DMAC2L: variants seen among roughly 807,000 people sequenced by gnomAD.
The protein encoded by DMAC2L is distal membrane arm assembly component 2 like, also known as ATP synthase subunit s, mitochondrial.
In DMAC2L, 21 loss-of-function variants were observed where a neutral mutation model predicts 22.5. That is an observed-to-expected ratio of 0.93 (90% CI 0.66 to 1.34). DMAC2L has a LOEUF of 1.34. DMAC2L is among the 40% of genes most tolerant of loss of function. The pLI, the probability that DMAC2L is intolerant of heterozygous loss-of-function variation, is 0.00. For synonymous variants in DMAC2L, 86 were observed against 89.5 expected, an observed-to-expected ratio of 0.96 and a Z score of 0.22; for missense variants, 239 against 246.5, an observed-to-expected ratio of 0.97 and a Z score of 0.20.
At chr14:50,312,045 G>T (rs2031253004), upstream of DMAC2L, 3 of 1,586,642 alleles carry the variant, frequency 1.9e-6, no homozygotes, top group African/African-American at 2.7e-5. Context: ...CCACACAGCG[G>T]TCTTGGCCTC....
rs148236783 is a variant in DMAC2L, at chr14:50,321,511, C to T, written c.24C>T (p.Ser8=). The change falls in exon 3 of 6, where the codon TCC becomes TCT. Residue 8 remains serine (S), a synonymous_variant. Transcript: ENST00000557421. The part of the protein sequence containing the change: MMPFGKI[S]QQLCGVKKLP... ...AAATGATGCCGTTTGGAAAAATTTC[C>T]CAGCAGTTGTGTGGCGTAAAGAAAC... The T allele has an allele frequency of 6.8e-4, 1,090 of 1,613,988 alleles. 6 individuals carry two copies. The highest frequency in any genetic ancestry group is 1.7e-3 in the Middle Eastern group (10 of 6,058).
Position 50,321,550 on chromosome 14 carries a change from T to C in DMAC2L, c.63T>C (p.Cys21=), listed in dbSNP as rs2032275668. Reference sequence around the variant, plus strand: ...GCGTAAAGAAACTCCCATGGTCATGTGACTCCAGATACTTCTGGGGCTGGT... The same window carrying C: ...GCGTAAAGAAACTCCCATGGTCATGCGACTCCAGATACTTCTGGGGCTGGT... The part of the protein sequence containing the change: ...LCGVKKLPWS[C]DSRYFWGWLN... Residue 21 remains cysteine (C), a synonymous_variant, in exon 3 of 6, where the codon TGT becomes TGC. Coordinates refer to ENST00000557421, the MANE Select transcript of DMAC2L (RefSeq NM_001382507.1). 1 of 1,614,148 alleles carries C rather than the reference T, an allele frequency of 6.2e-7. No individual in the cohort carries two copies. Among genetic ancestry groups the C allele is most frequent in the Non-Finnish European group, 8.5e-7 (1 of 1,179,980 alleles).
chr14:50,314,851 G>A (rs565053496), intron 2 of DMAC2L, among the ~76,000 whole-genome samples: 12 of 151,822 alleles, frequency 7.9e-5, no homozygotes, highest in East Asian at 1.9e-4. Context: ...CATGTTGACC[G>A]GGCTGGTCTT....
At chr14:50,322,307 A>T (rs1240754710) in intron 3 of DMAC2L, among the ~76,000 whole-genome samples, 1 of 152,228 alleles carries the variant, frequency 6.6e-6, no homozygotes, top group Admixed American at 6.5e-5. Context: ...GGAAACAAAA[A>T]CAAAACTAAA....
At chr14:50,315,662 C>CAAAAAAA (rs142527130) in intron 2 of DMAC2L, among the ~76,000 whole-genome samples, 16 of 81,558 alleles carry the variant, frequency 2.0e-4, no homozygotes, top group African/African-American at 7.1e-4. Flanking sequence ...TTCTGTTTCA[C>CAAAAAAA]AAAAAAAAAA....
chr14:50,325,553 G>T (rs2032657382), intron 5 of DMAC2L, 56 bp from the exon 6 acceptor site: 5 of 1,516,152 alleles, frequency 3.3e-6, no homozygotes, highest in South Asian at 1.2e-5. Context: ...TCAGTAAATT[G>T]AATTTATTTT....
Position 50,326,384 on chromosome 14 carries a change from T to C in DMAC2L, c.*661T>C, listed in dbSNP as rs1805371894. ...TTTTTATTATAACAGTAATTTACAT[T>C]TAACTTTAAAGTTAGTGAAGCATAC... On this transcript the variant is annotated 3_prime_UTR_variant, in exon 6 of 6. Coordinates refer to ENST00000557421, the MANE Select transcript of DMAC2L (RefSeq NM_001382507.1). 1.1e-6 allele frequency: 1 copy of C among 924,132 alleles called. No homozygotes were observed. The highest frequency in any genetic ancestry group is 5.0e-5 in the South Asian group (1 of 19,984). 57.2% of individuals were successfully genotyped at this position (924,132 alleles called of 1,614,324 possible).
intron 2 of DMAC2L, 34 bp from the exon 3 acceptor site, chr14:50,321,449 A>G (rs747093211): frequency 7.4e-6 from 12 of 1,611,874 alleles, no homozygotes; most frequent in South Asian, 6.6e-5. Flanking sequence ...GACTCGGATG[A>G]TGATCTAATG....
chr14:50,312,411 C>A, intron 1 of DMAC2L, 22 bp downstream of exon 1: 2 of 561,700 alleles, frequency 3.6e-6, no homozygotes, highest in South Asian at 4.0e-5. Flanking sequence ...AGCTAGGCCC[C>A]GAGCCGGGCG....
intron 2 of DMAC2L, among the ~76,000 whole-genome samples, chr14:50,317,450 C>A (rs1335690665): frequency 1.3e-5 from 2 of 152,148 alleles, no homozygotes; most frequent in African/African-American, 2.4e-5. Flanking sequence ...CTAGCTAGAA[C>A]TTCCAGTACT....
At chr14:50,314,217 C>G (rs548778589) in intron 1 of DMAC2L, among the ~76,000 whole-genome samples, 38 of 152,280 alleles carry the variant, frequency 2.5e-4, no homozygotes, top group African/African-American at 8.9e-4. Context: ...GGAGGCAGGT[C>G]CTTCCTGTGC....
chr14:50,318,002 A>G (rs886281914), intron 2 of DMAC2L, among the ~76,000 whole-genome samples: 4 of 152,130 alleles, frequency 2.6e-5, no homozygotes, highest in African/African-American at 9.7e-5. Flanking sequence ...TATTGAGATG[A>G]TCATGTGATT....
intron 2 of DMAC2L, among the ~76,000 whole-genome samples, chr14:50,318,312 A>C (rs1251889329): frequency 6.6e-6 from 1 of 152,248 alleles, no homozygotes; most frequent in Non-Finnish European, 1.5e-5. Context: ...GAAATGTAAA[A>C]ACCTACCAAT....
chr14:50,324,540 T>C (rs2032554711), intron 5 of DMAC2L: 1 of 153,822 alleles, frequency 6.5e-6, no homozygotes, highest in African/African-American at 2.4e-5. Context: ...CACCTTTCTG[T>C]CTCTAGAGCC....
chr14:50,314,520 G>A (rs947449859), intron 1 of DMAC2L, 71 bp from the exon 2 acceptor site: 1 of 455,728 alleles, frequency 2.2e-6, no homozygotes, highest in South Asian at 1.5e-5. Flanking sequence ...CTAGTTTTTA[G>A]CTATTGTGAA....
At chr14:50,324,163 G>T (rs2032515878) in intron 5 of DMAC2L, 47 bp downstream of exon 5, 5 of 1,516,796 alleles carry the variant, frequency 3.3e-6, no homozygotes, top group South Asian at 1.3e-5. Context: ...CTGTTAAGGT[G>T]AATAGTTAGA....
chr14:50,314,874 T>C (rs1401827966), intron 2 of DMAC2L, among the ~76,000 whole-genome samples: 3 of 152,140 alleles, frequency 2.0e-5, no homozygotes, highest in African/African-American at 7.2e-5. Context: ...ACTCCTGACC[T>C]CAAGTGATCT....
intron 3 of DMAC2L, among the ~76,000 whole-genome samples, chr14:50,322,295 G>A (rs377144035): frequency 6.6e-6 from 1 of 152,206 alleles, no homozygotes; most frequent in Admixed American, 6.5e-5. Context: ...CAGCGTTCAC[G>A]TGGAAACAAA....
intron 5 of DMAC2L, 145 bp from the exon 6 acceptor site, chr14:50,325,464 T>C: frequency 1.1e-6 from 1 of 882,264 alleles, no homozygotes; most frequent in South Asian, 2.1e-5. Flanking sequence ...ATTTCATCTC[T>C]AAGGCTACTG....
Sources: gnomAD v4.1 joint callset for allele counts (sites outside exome capture counted in the v4.1 genomes callset) on GRCh38, gnomAD v4.1.1 for gene constraint, MANE v1.5 for transcripts, NCBI Gene and HGNC (gene_info 2026-07-23, HGNC 2026-07-21) for gene names.